The following PEX19 variants were observed in gnomAD, a reference collection of about 807,000 sequenced individuals.
The protein encoded by PEX19 is peroxisomal biogenesis factor 19.
Under a neutral mutation model 36.3 loss-of-function variants are expected in PEX19, and 29 were observed. The observed-to-expected ratio is 0.80, with a 90% CI of 0.60 to 1.09. The LOEUF (loss-of-function observed/expected upper bound fraction) is 1.09, where lower values mean the gene tolerates loss of function less well. Ranked by LOEUF, PEX19 falls within the 50% of genes least tolerant of loss-of-function variation. The pLI, the probability that PEX19 is intolerant of heterozygous loss-of-function variation, is 0.00. For synonymous variants in PEX19, 141 were observed against 135.2 expected, an observed-to-expected ratio of 1.04 and a Z score of -0.30; for missense variants, 396 against 368.1, an observed-to-expected ratio of 1.08 and a Z score of -0.62.
In PEX19 at chr1:160,278,218, TAAC is replaced by T; in HGVS notation, c.*1330_*1332del. 2.8e-6 allele frequency: 2 copies of T among 702,012 alleles called. No individual in the cohort carries two copies. Among genetic ancestry groups the T allele is most frequent in the Admixed American group, 2.0e-5 (1 of 49,986 alleles). The allele number at this position is 702,012 out of a possible 1,614,324, so 43.5% of individuals were successfully genotyped here. On this transcript the variant is annotated 3_prime_UTR_variant, in exon 8 of 8. Coordinates refer to ENST00000368072, the MANE Select transcript of PEX19 (RefSeq NM_002857.4). ...TTAAAGAAAAATAATTTAGAAAACA[TAAC>T]AATATATTACTAACATTAATAACAA...
At position 160,279,526 on chromosome 1, in the gene PEX19, C is replaced by G; in HGVS notation, c.*25G>C. On this transcript the variant is annotated 3_prime_UTR_variant, in exon 8 of 8. Transcript: ENST00000368072. ...CTCCAGATGTTCCCCATAGCTGGGA[C>G]TCAGAGAGGAAAACGTGTTGTGTTT... is the stretch of plus-strand genomic sequence containing the variant. The G allele has an allele frequency of 6.3e-7, 1 of 1,592,652 alleles. No homozygotes were observed. The highest frequency in any genetic ancestry group is 8.6e-7 in the Non-Finnish European group (1 of 1,160,428).
intron 5 of PEX19, among the ~76,000 whole-genome samples, chr1:160,280,728 A>C (rs1053740536): frequency 1.1e-4 from 17 of 152,034 alleles, no homozygotes; most frequent in African/African-American, 3.9e-4. Context: ...CATGTTGCTC[A>C]AGCTGGTCTT....
At position 160,277,873 on chromosome 1, in the gene PEX19, C is replaced by G. The variant is rs756406692; in HGVS notation, c.*1678G>C. ...TCTCTGGCAGAACAGAGACGTTTTA[C>G]ATTCAGATCTGGGCTCTTCCATGCT... is the stretch of plus-strand genomic sequence containing the variant. On this transcript the variant is annotated 3_prime_UTR_variant, in exon 8 of 8. Transcript: ENST00000368072. 1 of 649,948 alleles carries G rather than the reference C, an allele frequency of 1.5e-6. No individual in the cohort carries two copies. The highest frequency in any genetic ancestry group is 1.5e-5 in the South Asian group (1 of 66,256). The allele number at this position is 649,948 out of a possible 1,614,324, so 40.3% of individuals were successfully genotyped here. A position where few individuals can be genotyped will look rare whatever the true frequency, so the allele number is the denominator to read the frequency against.
rs538044609 is a variant in PEX19 at position 160,279,207 on chromosome 1, T to C, written c.*344A>G. 3.0e-4 allele frequency: 141 copies of C among 474,680 alleles called. No individual in the cohort carries two copies. Among genetic ancestry groups the C allele is most frequent in the African/African-American group, 1.5e-3 (78 of 50,972 alleles). 29.4% of individuals were successfully genotyped at this position (474,680 alleles called of 1,614,324 possible). ...AGACAAGGCACAAAGACCCTGGACG[T>C]AAAGGTGAACATCAGTGTGGCCACA... On this transcript the variant is annotated 3_prime_UTR_variant, in exon 8 of 8. Transcript: ENST00000368072.
rs781250813 is a variant in PEX19, at chr1:160,285,133, C to T, written c.-9G>A. 13 of 1,611,602 alleles carry T rather than the reference C, an allele frequency of 8.1e-6. No individual in the cohort carries two copies. The highest frequency in any genetic ancestry group is 1.1e-5 in the South Asian group (1 of 91,040). ...TCCTCAGCGGCGGCCATCTTGCTAC[C>T]TCCGACTTGCCGTAGGAGGCGGGAC... On this transcript the variant is annotated 5_prime_UTR_variant, in exon 1 of 8. Coordinates refer to ENST00000368072, the MANE Select transcript of PEX19 (RefSeq NM_002857.4).
Position 160,282,117 on chromosome 1 carries a change from G to T in PEX19, c.516C>A (p.Leu172=). 6.2e-7 allele frequency: 1 copy of T among 1,613,690 alleles called. No individual in the cohort carries two copies. ...MDEGDGEGNI[L]PIMQSIMQNL... Reference sequence around the variant, plus strand: ...TCTGCATAATACTCTGCATGATGGGGAGGATGTTCCCTTCCCCATCCCCTT... The same window carrying T: ...TCTGCATAATACTCTGCATGATGGGTAGGATGTTCCCTTCCCCATCCCCTT... Residue 172 remains leucine (L), a synonymous_variant, in exon 5 of 8, where the codon CTC becomes CTA. Transcript: ENST00000368072.
At position 160,282,985 on chromosome 1, in the gene PEX19, A is replaced by G. The variant is rs199711303; in HGVS notation, c.305T>C (p.Val102Ala). Residue 102 changes from valine (V) to alanine (A), a missense_variant, in exon 3 of 8, where the codon GTG becomes GCG. Val to Ala is a moderately conservative substitution (Grantham distance 64). Coordinates refer to ENST00000368072, the MANE Select transcript of PEX19 (RefSeq NM_002857.4). ...KELAEEEPHLVEQFQKLSEAA... is the reference protein window; with the variant it reads ...KELAEEEPHLAEQFQKLSEAA... ...CTCTGAGAGCTTTTGGAACTGCTCC[A>G]CCAGGTGGGGTTCTTCCTCAGCCAA... 9.3e-6 allele frequency: 15 copies of G among 1,614,128 alleles called. No homozygotes were observed. Among genetic ancestry groups the G allele is most frequent in the African/African-American group, 2.7e-5 (2 of 75,030 alleles).
Position 160,278,269 on chromosome 1 carries a change from A to G in PEX19, c.*1282T>C. Reference sequence around the variant, plus strand: ...CAATAATGTAAAAGGTTAAAATATAATACCACTTGAAGGGCTTTCTACATT... The same window carrying G: ...CAATAATGTAAAAGGTTAAAATATAGTACCACTTGAAGGGCTTTCTACATT... On this transcript the variant is annotated 3_prime_UTR_variant, in exon 8 of 8. Transcript: ENST00000368072. The G allele has an allele frequency of 1.4e-6, 1 of 699,138 alleles. No homozygotes were observed. Among genetic ancestry groups the G allele is most frequent in the South Asian group, 1.5e-5 (1 of 67,358 alleles). The allele number at this position is 699,138 out of a possible 1,614,324, so 43.3% of individuals were successfully genotyped here.
chr1:160,277,761 T>C lies in PEX19; in HGVS notation c.*1790A>G, dbSNP rs886045440. 1.5e-5 allele frequency: 7 copies of C among 471,228 alleles called. No homozygotes were observed. The highest frequency in any genetic ancestry group is 6.2e-5 in the South Asian group (4 of 64,638). The allele number at this position is 471,228 out of a possible 1,614,324, so 29.2% of individuals were successfully genotyped here. On this transcript the variant is annotated 3_prime_UTR_variant, in exon 8 of 8. Transcript: ENST00000368072. ...GTTCTTCCCTCCTCCTCTCTATCCT[T>C]GTCCAGTTTTTGGCTGGAGCTTTAA...
rs921113258 is a variant in PEX19 at position 160,283,581 on chromosome 1, C to T, written c.129G>A (p.Thr43=). 1.4e-5 allele frequency: 23 copies of T among 1,613,870 alleles called. No homozygotes were observed. The highest frequency in any genetic ancestry group is 2.2e-5 in the East Asian group (1 of 44,868). Residue 43 remains threonine, a synonymous_variant, in exon 2 of 8, where the codon ACG becomes ACA. Coordinates refer to ENST00000368072, the MANE Select transcript of PEX19 (RefSeq NM_002857.4). ...TCTGGGGCCCCGAAGCATCAGGGGC[C>T]GTGGTGGTAGAAGGGGGTGCTGGGG... ...KPSPAPPSTT[T]APDASGPQKR...
Position 160,279,295 on chromosome 1 carries a change from T to C in PEX19, c.*256A>G. The stretch of plus-strand genomic sequence containing the variant: ...CCCAAAAGGGATGCCTTCCTTCACC[T>C]TGCAGGTAGCTGGAACTTTGATAGT... On this transcript the variant is annotated 3_prime_UTR_variant, in exon 8 of 8. Coordinates refer to ENST00000368072, the MANE Select transcript of PEX19 (RefSeq NM_002857.4). 1 of 655,352 alleles carries C rather than the reference T, an allele frequency of 1.5e-6. No individual in the cohort carries two copies. The highest frequency in any genetic ancestry group is 2.8e-6 in the Non-Finnish European group (1 of 356,694). The allele number at this position is 655,352 out of a possible 1,614,324, so 40.6% of individuals were successfully genotyped here.
intron 5 of PEX19, 134 bp from the exon 6 acceptor site, chr1:160,280,380 T>G (rs189901366): frequency 1.2e-6 from 1 of 833,066 alleles, no homozygotes; most frequent in Non-Finnish European, 2.0e-6. Context: ...AAGTTCATCA[T>G]GAAAAGCGGC....
At chr1:160,284,467 G>A (rs377397534) in intron 1 of PEX19, among the ~76,000 whole-genome samples, 2 of 152,192 alleles carry the variant, frequency 1.3e-5, no homozygotes, top group East Asian at 3.8e-4. Context: ...CCGTCTTTCA[G>A]GAGGGTGAAC....
chr1:160,283,727 T>A, intron 1 of PEX19, 88 bp from the exon 2 acceptor site: 1 of 1,096,758 alleles, frequency 9.1e-7, no homozygotes, highest in Non-Finnish European at 1.4e-6. Flanking sequence ...GCATTAGGAA[T>A]ATGATTTTTC....
chr1:160,283,878 C>T (rs1657890028), intron 1 of PEX19, among the ~76,000 whole-genome samples: 1 of 152,152 alleles, frequency 6.6e-6, no homozygotes, highest in Non-Finnish European at 1.5e-5. Flanking sequence ...AACAAATGTC[C>T]ATCTCAGAGC....
chr1:160,284,804 G>C (rs1226615695), intron 1 of PEX19, among the ~76,000 whole-genome samples: 1 of 152,202 alleles, frequency 6.6e-6, no homozygotes, highest in Admixed American at 6.5e-5. Flanking sequence ...GAGGTATCAT[G>C]AAACGCCGTC....
intron 3 of PEX19, 30 bp downstream of exon 3, chr1:160,282,914 G>C (rs199657573): frequency 1.9e-6 from 3 of 1,609,938 alleles, no homozygotes; most frequent in Non-Finnish European, 2.6e-6. Flanking sequence ...AGTCTGTTCA[G>C]ATATTTCCAT....
At chr1:160,280,527 T>G (rs532305545) in intron 5 of PEX19, among the ~76,000 whole-genome samples, 1 of 151,990 alleles carries the variant, frequency 6.6e-6, no homozygotes, top group South Asian at 2.1e-4. Flanking sequence ...TTTTTTTTCT[T>G]TTTTTTCGAG....
intron 1 of PEX19, 145 bp downstream of exon 1, chr1:160,284,910 G>C (rs1005164586): frequency 2.8e-6 from 2 of 720,418 alleles, no homozygotes; most frequent in Admixed American, 4.2e-5. Flanking sequence ...AGAGATTTTT[G>C]GGGGGCTCGG....
Sources: allele counts gnomAD v4.1 joint callset (sites outside exome capture counted in the v4.1 genomes callset), GRCh38; gene constraint gnomAD v4.1.1; transcripts MANE v1.5; gene names NCBI Gene and HGNC (gene_info 2026-07-23, HGNC 2026-07-21).